FER1L6: variants seen among roughly 807,000 people sequenced by gnomAD.
The protein encoded by FER1L6 is fer-1 like family member 6.
In FER1L6, 177 loss-of-function variants were observed where a neutral mutation model predicts 219.2. The observed-to-expected ratio is 0.81, with a 90% CI of 0.71 to 0.91. The LOEUF (loss-of-function observed/expected upper bound fraction) is 0.91, where lower values mean the gene tolerates loss of function less well. FER1L6 is among the 40% of genes least tolerant of loss of function. The pLI, the probability that FER1L6 is intolerant of heterozygous loss-of-function variation, is 0.00. For synonymous variants in FER1L6, 768 were observed against 824.3 expected (o/e 0.93, Z 1.17); for missense variants, 2,153 against 2,259.9 (o/e 0.95, Z 0.96).
chr8:124,106,944 C>CTTTT (rs10561745), intron 39 of FER1L6, among the ~76,000 whole-genome samples: 3 of 127,832 alleles, frequency 2.3e-5, no homozygotes, highest in African/African-American at 5.8e-5. Flanking sequence ...ATAAGGTTTT[C>CTTTT]TTTTTTTTTT....
At chr8:124,092,563 A>G (rs965010541) in intron 34 of FER1L6, among the ~76,000 whole-genome samples, 7 of 152,022 alleles carry the variant, frequency 4.6e-5, no homozygotes, top group Admixed American at 1.3e-4. Context: ...GGGTGAGGGG[A>G]AAAAAAATCA....
chr8:123,889,164 G>T (rs1817257507), intron 1 of FER1L6, among the ~76,000 whole-genome samples: 1 of 152,188 alleles, frequency 6.6e-6, no homozygotes, highest in Admixed American at 6.5e-5. Context: ...CTAATTTAAT[G>T]TTGTTGGTTT....
At position 124,010,661 on chromosome 8, in the gene FER1L6, C is replaced by CA. The variant is rs771474914; in HGVS notation, c.1769dup (p.Thr591AspfsTer36). On this transcript the variant is annotated frameshift_variant, in exon 14 of 41. Coordinates refer to ENST00000522917, the MANE Select transcript of FER1L6 (RefSeq NM_001039112.2). LOFTEE classifies it high-confidence loss of function. ...CTATTTCATCAGCTCTTGGGGAGACCAGACCTTCAGGCTGCACTGGTCCAA... is the reference window on the plus strand; with the variant it reads ...CTATTTCATCAGCTCTTGGGGAGACCAAGACCTTCAGGCTGCACTGGTCCAA... 72 of 1,613,882 alleles carry CA rather than the reference C, an allele frequency of 4.5e-5. No homozygotes were observed. The highest frequency in any genetic ancestry group is 5.8e-5 in the Non-Finnish European group (68 of 1,179,962).
At chr8:124,100,955 G>A in intron 37 of FER1L6, 142 bp from the exon 38 acceptor site, 1 of 798,480 alleles carries the variant, frequency 1.3e-6, no homozygotes, top group Non-Finnish European at 2.0e-6. Flanking sequence ...AAGTTAAAAT[G>A]GAAACTTCCA....
chr8:124,113,102 C>A (rs1354710254), intron 39 of FER1L6, among the ~76,000 whole-genome samples: 1 of 151,996 alleles, frequency 6.6e-6, no homozygotes, highest in Non-Finnish European at 1.5e-5. Flanking sequence ...GAGCATTCCC[C>A]TACATTATAC....
intron 1 of FER1L6, among the ~76,000 whole-genome samples, chr8:123,904,071 C>A (rs1812907236): frequency 1.3e-5 from 2 of 152,128 alleles, no homozygotes; most frequent in African/African-American, 4.8e-5. Flanking sequence ...GAACACAGGG[C>A]AGTAGATGTG....
chr8:123,865,040 G>A (rs1462059299), intron 1 of FER1L6, among the ~76,000 whole-genome samples: 2 of 151,154 alleles, frequency 1.3e-5, no homozygotes, highest in African/African-American at 4.9e-5. Flanking sequence ...GCGTTCCTTT[G>A]GAGGAGGAGA....
Position 124,010,863 on chromosome 8 carries a change from A to G in FER1L6, c.1821+149A>G, listed in dbSNP as rs150408721. On this transcript the variant is annotated intron_variant, in intron 14 of 40. Coordinates refer to ENST00000522917, the MANE Select transcript of FER1L6 (RefSeq NM_001039112.2). ...ATTTGGAGGGCACGTGGATCCTACTATGCAAATCTAGGGGAATGAGACCTC... is the reference window on the plus strand; with the variant it reads ...ATTTGGAGGGCACGTGGATCCTACTGTGCAAATCTAGGGGAATGAGACCTC... 6.6e-4 allele frequency: 745 copies of G among 1,133,866 alleles called. 9 individuals are homozygous for G. The East Asian group carries it at 0.017, about 27-fold the overall frequency. 70.2% of individuals were successfully genotyped at this position (1,133,866 alleles called of 1,614,324 possible). A position where few individuals can be genotyped will look rare whatever the true frequency, so the allele number is the denominator to read the frequency against.
chr8:123,864,143 G>A (rs1309073932), intron 1 of FER1L6, among the ~76,000 whole-genome samples: 21 of 149,122 alleles, frequency 1.4e-4, no homozygotes, highest in African/African-American at 3.4e-4. Context: ...CATGTTTAGC[G>A]CTTCCTTCAG....
At chr8:123,898,781 G>GTATACACATATATACA (rs201509499) in intron 1 of FER1L6, among the ~76,000 whole-genome samples, 1 of 135,844 alleles carries the variant, frequency 7.4e-6, no homozygotes, top group African/African-American at 2.9e-5. Flanking sequence ...GTATATATAC[G>GTATACACATATATACA]TATGTACATA....
intron 1 of FER1L6, among the ~76,000 whole-genome samples, chr8:123,920,246 C>T (rs1271188977): frequency 1.3e-5 from 2 of 152,206 alleles, no homozygotes; most frequent in African/African-American, 4.8e-5. Context: ...ACGAAGAGGT[C>T]ATCAGGACTC....
intron 39 of FER1L6, among the ~76,000 whole-genome samples, chr8:124,106,742 T>C (rs1305687876): frequency 6.6e-6 from 1 of 152,092 alleles, no homozygotes; most frequent in Non-Finnish European, 1.5e-5. Flanking sequence ...CTTGACACAC[T>C]GATTTGAACT....
At chr8:123,875,519 A>G (rs1407665277) in intron 1 of FER1L6, among the ~76,000 whole-genome samples, 1 of 152,118 alleles carries the variant, frequency 6.6e-6, no homozygotes, top group Non-Finnish European at 1.5e-5. Context: ...AAAGGGGCTT[A>G]TCTGATTTCA....
chr8:123,866,505 C>G (rs186575248), intron 1 of FER1L6, among the ~76,000 whole-genome samples: 1 of 152,014 alleles, frequency 6.6e-6, no homozygotes, highest in African/African-American at 2.4e-5. Flanking sequence ...GGATATATAC[C>G]TAGAGATGAG....
rs1000014015 is a variant in FER1L6, at chr8:124,055,176, C to T, written c.2875-5004C>T. ...TATTTTGTCTGAGCCTGGTGGTTCA[C>T]GCCTGTAATCCCAGCACTTTAGGAA... is the stretch of plus-strand genomic sequence containing the variant. On this transcript the variant is annotated intron_variant, in intron 22 of 40. Coordinates refer to ENST00000522917, the MANE Select transcript of FER1L6 (RefSeq NM_001039112.2). Among the ~76,000 whole-genome samples the T allele has an allele frequency of 3.9e-5, 6 of 152,106 alleles. No individual in the cohort carries two copies. The South Asian group carries it at 6.2e-4, about 16-fold the overall frequency.
Position 123,976,255 on chromosome 8 carries a change from A to T in FER1L6, c.870+171A>T, listed in dbSNP as rs546196209. Among the ~76,000 whole-genome samples, 54 of 152,302 alleles carry T rather than the reference A, an allele frequency of 3.5e-4. 1 individual carries two copies. In the South Asian group the frequency reaches 8.5e-3, roughly 24 times the overall value. On this transcript the variant is annotated intron_variant, in intron 9 of 40. Coordinates refer to ENST00000522917, the MANE Select transcript of FER1L6 (RefSeq NM_001039112.2). Reference sequence around the variant, plus strand: ...GGTGGCTCACACCTGTAATCCCAGCACTTTGGCAGGCTGAGGTGGTGAATC... The same window carrying T: ...GGTGGCTCACACCTGTAATCCCAGCTCTTTGGCAGGCTGAGGTGGTGAATC...
At chr8:123,896,422 C>T (rs16899008) in intron 1 of FER1L6, among the ~76,000 whole-genome samples, 42,773 of 152,070 alleles carry the variant, frequency 0.28, 6,471 homozygotes, top group East Asian at 0.44. Context: ...TATTTCCTTA[C>T]GGTATTTGCA....
At chr8:124,097,545 A>T (rs1822360319) in intron 36 of FER1L6, among the ~76,000 whole-genome samples, 186 bp downstream of exon 36, 1 of 152,038 alleles carries the variant, frequency 6.6e-6, no homozygotes, top group African/African-American at 2.4e-5. Context: ...CCACTTCCTC[A>T]TCTGAAAAAT....
intron 18 of FER1L6, among the ~76,000 whole-genome samples, chr8:124,033,073 G>T (rs1004651138): frequency 1.3e-5 from 2 of 152,214 alleles, no homozygotes; most frequent in Admixed American, 1.3e-4. Flanking sequence ...CATTCTGTGT[G>T]AAGAGAGAAA....
Sources: gnomAD v4.1 joint callset for allele counts (sites outside exome capture counted in the v4.1 genomes callset) on GRCh38, gnomAD v4.1.1 for gene constraint, MANE v1.5 for transcripts, NCBI Gene and HGNC (gene_info 2026-07-23, HGNC 2026-07-21) for gene names.